The following EPRS1 variants were observed in gnomAD, a reference collection of about 807,000 sequenced individuals.
EPRS1 encodes bifunctional glutamate/proline--tRNA ligase.
Under a neutral mutation model 188.3 loss-of-function variants are expected in EPRS1, and 107 were observed. The observed-to-expected ratio is 0.57, with a 90% CI of 0.49 to 0.67. EPRS1 has a LOEUF of 0.67. Ranked by LOEUF, EPRS1 falls within the 30% of genes least tolerant of loss-of-function variation. EPRS1 has a pLI of 0.00. For missense variants in EPRS1, 1,577 were observed against 1,802.2 expected (o/e 0.88, Z 2.26); for synonymous variants, 596 against 593.1 (o/e 1.00, Z -0.07).
rs1660961908 is a variant in EPRS1, at chr1:219,984,366, G to A, written c.3039-109C>T. ...ATAGATTAGTCTTTCTTCAGTATGAGTTATTTCTGTATTTGTAACTCTTCT... is the reference window on the plus strand; with the variant it reads ...ATAGATTAGTCTTTCTTCAGTATGAATTATTTCTGTATTTGTAACTCTTCT... On this transcript the variant is annotated intron_variant, in intron 20 of 31. Coordinates refer to ENST00000366923, the MANE Select transcript of EPRS1 (RefSeq NM_004446.3). 6.6e-6 allele frequency: 5 copies of A among 757,796 alleles called. No individual in the cohort carries two copies. In the Admixed American group the frequency reaches 6.7e-5, roughly 10 times the overall value. The allele number at this position is 757,796 out of a possible 1,614,324, so 46.9% of individuals were successfully genotyped here.
chr1:220,044,060 A>C (rs991596506), intron 1 of EPRS1, among the ~76,000 whole-genome samples: 1 of 152,204 alleles, frequency 6.6e-6, no homozygotes, highest in Non-Finnish European at 1.5e-5. Flanking sequence ...ATGCTGAGAT[A>C]CTGAAGCCTC....
rs1487059185 is a variant in EPRS1 at position 219,968,878 on chromosome 1, C to A, written c.4467G>T (p.Leu1489=). The part of the protein sequence containing the change: ...LCIPFKPLCE[L]QPGAKCVCGK... ...CACAGACACATTTGGCTCCAGGCTGCAGTTCACAGAGTGGTTTGAAGGGGA... is the reference window on the plus strand; with the variant it reads ...CACAGACACATTTGGCTCCAGGCTGAAGTTCACAGAGTGGTTTGAAGGGGA... The change falls in exon 32 of 32, where the codon CTG becomes CTT. Residue 1489 remains leucine, a synonymous_variant. Transcript: ENST00000366923. The A allele has an allele frequency of 1.9e-6, 3 of 1,614,056 alleles. No homozygotes were observed.
At chr1:220,041,205 A>G (rs1186048142) in intron 1 of EPRS1, among the ~76,000 whole-genome samples, 1 of 151,740 alleles carries the variant, frequency 6.6e-6, no homozygotes, top group East Asian at 1.9e-4. Context: ...AGTGGTACAC[A>G]CCTGTGGTCC....
chr1:220,012,294 A>T (rs1661619728), intron 12 of EPRS1, among the ~76,000 whole-genome samples: 1 of 152,198 alleles, frequency 6.6e-6, no homozygotes, highest in African/African-American at 2.4e-5. Context: ...GGCTGGAATA[A>T]TCAAAGATTT....
intron 17 of EPRS1, among the ~76,000 whole-genome samples, chr1:219,997,549 A>G (rs1448586601): frequency 6.6e-6 from 1 of 152,208 alleles, no homozygotes; most frequent in Non-Finnish European, 1.5e-5. Flanking sequence ...AGGTACCTAC[A>G]TACTCACTGA....
At chr1:220,042,116 G>A (rs1388572089) in intron 1 of EPRS1, among the ~76,000 whole-genome samples, 5 of 150,266 alleles carry the variant, frequency 3.3e-5, no homozygotes, top group Non-Finnish European at 7.4e-5. Context: ...AGGAGGCGGA[G>A]GTTGCAGTGA....
chr1:220,027,115 C>T (rs1661989860), intron 6 of EPRS1, among the ~76,000 whole-genome samples: 1 of 150,872 alleles, frequency 6.6e-6, no homozygotes, highest in Non-Finnish European at 1.5e-5. Context: ...CATGGTGAAA[C>T]CCCGTCTCTA....
intron 12 of EPRS1, among the ~76,000 whole-genome samples, chr1:220,013,671 A>G (rs1661648779): frequency 6.6e-6 from 1 of 152,230 alleles, no homozygotes; most frequent in South Asian, 2.1e-4. Flanking sequence ...GAGAAGAAAG[A>G]CAGAGCAAGC....
chr1:219,979,725 C>G (rs1660856080), intron 26 of EPRS1, 110 bp from the exon 27 acceptor site: 4 of 702,128 alleles, frequency 5.7e-6, no homozygotes, highest in Non-Finnish European at 9.4e-6. Flanking sequence ...TTTTTTCTCC[C>G]TTTTTTTACA....
At chr1:219,982,115 T>C (rs563228258) in intron 23 of EPRS1, among the ~76,000 whole-genome samples, 56 of 152,316 alleles carry the variant, frequency 3.7e-4, no homozygotes, top group Non-Finnish European at 6.0e-4. Context: ...TAATGTATTA[T>C]ACAAAAGTAT....
intron 6 of EPRS1, among the ~76,000 whole-genome samples, chr1:220,028,701 T>C (rs1662031244): frequency 6.6e-6 from 1 of 152,186 alleles, no homozygotes. Flanking sequence ...TTGGGATTAA[T>C]AAGTTACTAT....
At position 219,994,896 on chromosome 1, in the gene EPRS1, C is replaced by A. The variant is rs183232832; in HGVS notation, c.2541+2087G>T. On this transcript the variant is annotated intron_variant, in intron 18 of 31. Transcript: ENST00000366923. ...CTCGATCTCCTGACCTTATGATCTG[C>A]CCACCTCGGCCTCCCAAAGTGCTGG... Among the ~76,000 whole-genome samples the A allele has an allele frequency of 1.0e-3, 159 of 152,180 alleles. 1 individual carries two copies. The Middle Eastern group carries it at 0.017, about 16-fold the overall frequency.
At chr1:219,992,387 T>C (rs1397059693) in intron 18 of EPRS1, among the ~76,000 whole-genome samples, 1 of 152,204 alleles carries the variant, frequency 6.6e-6, no homozygotes, top group Non-Finnish European at 1.5e-5. Context: ...GACAAAACAA[T>C]TGTGAATTAT....
chr1:220,042,781 C>G (rs967389079), intron 1 of EPRS1, among the ~76,000 whole-genome samples: 1 of 151,664 alleles, frequency 6.6e-6, no homozygotes, highest in Non-Finnish European at 1.5e-5. Context: ...ATTAGCTGGG[C>G]GTGGTGGCAT....
rs151124275 is a variant in EPRS1 at position 219,994,601 on chromosome 1, G to T, written c.2541+2382C>A. ...AAAACACAAGAAGTTTGTGTAATGC[G>T]ATGTTTTTGAGATCAGAAATATGCC... On this transcript the variant is annotated intron_variant, in intron 18 of 31. Coordinates refer to ENST00000366923, the MANE Select transcript of EPRS1 (RefSeq NM_004446.3). 5.3e-3 allele frequency among the ~76,000 whole-genome samples: 787 copies of T among 149,414 alleles called. 6 individuals carry two copies. The highest frequency in any genetic ancestry group is 0.019 in the African/African-American group (764 of 40,634).
intron 16 of EPRS1, among the ~76,000 whole-genome samples, chr1:220,001,669 T>C (rs1265726850): frequency 6.6e-6 from 1 of 152,212 alleles, no homozygotes; most frequent in East Asian, 1.9e-4. Context: ...AAATAGTCCA[T>C]TGTCTTACTA....
chr1:220,023,960 T>C, intron 8 of EPRS1, among the ~76,000 whole-genome samples: 1 of 152,150 alleles, frequency 6.6e-6, no homozygotes, highest in Non-Finnish European at 1.5e-5. Context: ...GAGACCAGCT[T>C]GGCCAATATG....
At position 220,046,382 on chromosome 1, in the gene EPRS1, T is replaced by A; in HGVS notation, c.7A>T (p.Thr3Ser). The change falls in exon 1 of 32, where the codon ACG (threonine) becomes TCG (serine). Residue 3 changes from threonine to serine, a missense_variant. Coordinates refer to ENST00000366923, the MANE Select transcript of EPRS1 (RefSeq NM_004446.3). MATLSLTVNSGDP... is the reference protein window; with the variant it reads MASLSLTVNSGDP... ...CCTGAATTCACGGTCAGAGAGAGCGTCGCCATCTCCACCAGTCCGCTGGTC... is the reference window on the plus strand; with the variant it reads ...CCTGAATTCACGGTCAGAGAGAGCGACGCCATCTCCACCAGTCCGCTGGTC... 1 of 1,614,070 alleles carries A rather than the reference T, an allele frequency of 6.2e-7. No homozygotes were observed. The highest frequency in any genetic ancestry group is 8.5e-7 in the Non-Finnish European group (1 of 1,180,008).
At position 220,040,199 on chromosome 1, in the gene EPRS1, A is replaced by G. The variant is rs372840932; in HGVS notation, c.117T>C (p.Ile39=). 5.6e-6 allele frequency: 9 copies of G among 1,601,654 alleles called. No homozygotes were observed. Among genetic ancestry groups the G allele is most frequent in the Non-Finnish European group, 7.7e-6 (9 of 1,170,082 alleles). ...SISVEEGKEN[I]LHVSENVIFT... ...AAAACACTTACTCAGAAACATGAAGAATATTCTCTTTCCCTTCTTCAACGG... is the reference window on the plus strand; with the variant it reads ...AAAACACTTACTCAGAAACATGAAGGATATTCTCTTTCCCTTCTTCAACGG... The change falls in exon 2 of 32, where the codon ATT becomes ATC. Residue 39 remains isoleucine, a synonymous_variant. Transcript: ENST00000366923.
Sources: gnomAD v4.1 joint callset for allele counts (sites outside exome capture counted in the v4.1 genomes callset) on GRCh38, gnomAD v4.1.1 for gene constraint, MANE v1.5 for transcripts, NCBI Gene and HGNC (gene_info 2026-07-23, HGNC 2026-07-21) for gene names.